RAPGEF4: variants seen among roughly 807,000 people sequenced by gnomAD.
The protein encoded by RAPGEF4 is Rap guanine nucleotide exchange factor 4, also known as RAP guanine-nucleotide-exchange factor (GEF) 4.
Under a neutral mutation model 147.9 loss-of-function variants are expected in RAPGEF4, and 66 were observed. The observed-to-expected ratio is 0.45, with a 90% CI of 0.37 to 0.55. The LOEUF (loss-of-function observed/expected upper bound fraction) is 0.55. Among genes scored for constraint, RAPGEF4 ranks in the 20% least tolerant of loss-of-function variants. The pLI is 0.00. For synonymous variants in RAPGEF4, 419 were observed against 442.7 expected (o/e 0.95, Z 0.67); for missense variants, 1,071 against 1,257.3 (o/e 0.85, Z 2.24).
intron 1 of RAPGEF4, among the ~76,000 whole-genome samples, chr2:172,741,464 A>G (rs1694289082): frequency 6.6e-6 from 1 of 152,204 alleles, no homozygotes; most frequent in African/African-American, 2.4e-5. Context: ...GGCGTGGGTG[A>G]CACCATCCAC....
intron 4 of RAPGEF4, among the ~76,000 whole-genome samples, chr2:172,863,864 T>C (rs1174567345): frequency 1.3e-5 from 2 of 152,146 alleles, no homozygotes; most frequent in African/African-American, 4.8e-5. Context: ...GCAATAAAAA[T>C]TAATAGCAAA....
intron 1 of RAPGEF4, among the ~76,000 whole-genome samples, chr2:172,780,233 T>A (rs1442506343): frequency 1.3e-5 from 2 of 152,182 alleles, no homozygotes; most frequent in East Asian, 3.8e-4. Context: ...AGGGACTGAG[T>A]AATTCTTCAA....
chr2:173,037,272 T>G (rs78451663), intron 29 of RAPGEF4, among the ~76,000 whole-genome samples: 1 of 135,046 alleles, frequency 7.4e-6, no homozygotes, highest in Non-Finnish European at 1.7e-5. Context: ...CTGGCTAAAG[T>G]GCAGTGTTGT....
At chr2:172,803,174 AG>A (rs1355504367) in intron 3 of RAPGEF4, among the ~76,000 whole-genome samples, 1 of 152,202 alleles carries the variant, frequency 6.6e-6, no homozygotes, top group East Asian at 1.9e-4. Flanking sequence ...GTTCCCCAGT[AG>A]GGACTCTGTG....
In RAPGEF4 at chr2:173,044,165, C is replaced by T. The variant is rs113304355; in HGVS notation, c.2854-4435C>T. ...CTCTAGTTACATGCTAACTAAGGAGCGGGTTTTTCACAAACTTTCTGGAAA... is the reference window on the plus strand; with the variant it reads ...CTCTAGTTACATGCTAACTAAGGAGTGGGTTTTTCACAAACTTTCTGGAAA... On this transcript the variant is annotated intron_variant, in intron 29 of 30. Transcript: ENST00000397081. Among the ~76,000 whole-genome samples, 494 of 151,062 alleles carry T rather than the reference C, an allele frequency of 3.3e-3. 4 individuals carry two copies. Among genetic ancestry groups the T allele is most frequent in the Middle Eastern group, 0.02 (6 of 294 alleles).
rs561547937 is a variant in RAPGEF4, at chr2:172,807,287, C to G, written c.298-6992C>G. On this transcript the variant is annotated intron_variant, in intron 3 of 30. Transcript: ENST00000397081. The stretch of plus-strand genomic sequence containing the variant: ...AGACTGGCTCTCCACTGAAATGAGG[C>G]TGGCCTCCCTGATTCAGTTACCAGA... 9.2e-5 allele frequency among the ~76,000 whole-genome samples: 14 copies of G among 152,380 alleles called. No individual in the cohort carries two copies. In the East Asian group the frequency reaches 2.5e-3, roughly 27 times the overall value.
chr2:173,025,342 A>G (rs540727458), intron 23 of RAPGEF4, among the ~76,000 whole-genome samples: 18 of 152,378 alleles, frequency 1.2e-4, no homozygotes, highest in African/African-American at 4.1e-4. Context: ...TGTAGAATAC[A>G]GTGATGATGA....
chr2:172,834,350 C>T (rs993141000), intron 4 of RAPGEF4, among the ~76,000 whole-genome samples: 4 of 152,142 alleles, frequency 2.6e-5, no homozygotes, highest in Non-Finnish European at 5.9e-5. Flanking sequence ...TGGAAAATAG[C>T]AGAGGCAGCT....
rs775370223 is a variant in RAPGEF4 at position 172,960,710 on chromosome 2, C to T, written c.538-50C>T. ...TTATCCCCCAACCCATAATTTTCTT[C>T]AGTGAACTTTTTGTTTAATTTTCTT... is the stretch of plus-strand genomic sequence containing the variant. On this transcript the variant is annotated intron_variant, in intron 6 of 30. Coordinates refer to ENST00000397081, the MANE Select transcript of RAPGEF4 (RefSeq NM_007023.4). 9.5e-6 allele frequency: 13 copies of T among 1,372,958 alleles called. No homozygotes were observed. The South Asian group carries it at 1.7e-4, about 18-fold the overall frequency. The allele number at this position is 1,372,958 out of a possible 1,614,324, so 85.0% of individuals were successfully genotyped here.
chr2:172,740,839 G>C (rs1246043400), intron 1 of RAPGEF4, among the ~76,000 whole-genome samples: 1 of 152,294 alleles, frequency 6.6e-6, no homozygotes, highest in African/African-American at 2.4e-5. Context: ...AGATACACAG[G>C]TACCAGACTC....
intron 6 of RAPGEF4, among the ~76,000 whole-genome samples, chr2:172,940,160 T>C (rs1316917790): frequency 1.3e-5 from 2 of 152,176 alleles, no homozygotes; most frequent in Admixed American, 6.6e-5. Flanking sequence ...ACTAGGATTA[T>C]GGGTTTTGGG....
chr2:172,796,459 C>T (rs1320779820), intron 2 of RAPGEF4, among the ~76,000 whole-genome samples: 2 of 152,032 alleles, frequency 1.3e-5, no homozygotes, highest in African/African-American at 4.8e-5. Context: ...GTGGCAGGCA[C>T]CTATAGTCCC....
intron 1 of RAPGEF4, among the ~76,000 whole-genome samples, chr2:172,780,118 C>T (rs1684543309): frequency 6.6e-6 from 1 of 151,972 alleles, no homozygotes; most frequent in African/African-American, 2.4e-5. Context: ...CCCTGTACAC[C>T]TCTGAGTTCT....
intron 4 of RAPGEF4, among the ~76,000 whole-genome samples, chr2:172,889,369 A>C (rs11888111): frequency 6.6e-6 from 1 of 152,172 alleles, no homozygotes. Flanking sequence ...CATAGTAATA[A>C]TGTCAACAAA....
chr2:173,050,655 G>T (rs76870288), intron 30 of RAPGEF4, among the ~76,000 whole-genome samples: 3,434 of 151,744 alleles, frequency 0.023, 70 homozygotes, highest in Admixed American at 0.056. Context: ...AGAGGTGTTG[G>T]GTCTAAAGAG....
Position 173,017,490 on chromosome 2 carries a change from G to A in RAPGEF4, c.1994G>A (p.Arg665His), listed in dbSNP as rs376379807. 45 of 1,613,740 alleles carry A rather than the reference G, an allele frequency of 2.8e-5. No homozygotes were observed. In the East Asian group the frequency reaches 2.9e-4, roughly 10 times the overall value. Residue 665 changes from arginine (R) to histidine (H), a missense_variant, in exon 21 of 31, where the codon CGC becomes CAC. Arg to His is a conservative substitution (Grantham distance 29, BLOSUM62 0). Coordinates refer to ENST00000397081, the MANE Select transcript of RAPGEF4 (RefSeq NM_007023.4). ...AGAGCCCAGAAGCGCCAGCCTATCC[G>A]CGGCTCTGATGAAGGTGAGAACCCT... ...DERAQKRQPI[R>H]GSDEVLFKVY... is the part of the protein sequence containing the mutation.
Position 172,806,935 on chromosome 2 carries a change from C to T in RAPGEF4, c.298-7344C>T, listed in dbSNP as rs115374136. ...AGAACATGTGTGTTTCGTTGTAATG[C>T]GGATCTCTCTACCTTTGTCTGTCTT... On this transcript the variant is annotated intron_variant, in intron 3 of 30. Coordinates refer to ENST00000397081, the MANE Select transcript of RAPGEF4 (RefSeq NM_007023.4). Among the ~76,000 whole-genome samples, 940 of 152,304 alleles carry T rather than the reference C, an allele frequency of 6.2e-3. 9 individuals carry two copies. The highest frequency in any genetic ancestry group is 0.021 in the African/African-American group (882 of 41,568).
At chr2:172,906,269 A>C (rs944460738) in intron 4 of RAPGEF4, among the ~76,000 whole-genome samples, 1 of 152,178 alleles carries the variant, frequency 6.6e-6, no homozygotes, top group Non-Finnish European at 1.5e-5. Flanking sequence ...TATTGGGAGA[A>C]CCTAGTGGAA....
intron 4 of RAPGEF4, among the ~76,000 whole-genome samples, chr2:172,873,227 C>G (rs1695457296): frequency 6.6e-6 from 1 of 152,176 alleles, no homozygotes; most frequent in Admixed American, 6.5e-5. Context: ...CTCCTAAGAA[C>G]CTTTCTCAAG....
Sources: allele counts gnomAD v4.1 joint callset (sites outside exome capture counted in the v4.1 genomes callset), GRCh38; gene constraint gnomAD v4.1.1; transcripts MANE v1.5; gene names NCBI Gene and HGNC (gene_info 2026-07-23, HGNC 2026-07-21).